The following MOB3B variants were observed in gnomAD, a reference collection of about 807,000 sequenced individuals.
MOB3B encodes the protein MOB kinase activator 3B.
In MOB3B, 7 loss-of-function variants were observed where a neutral mutation model predicts 18.7. The ratio of observed to expected loss-of-function variants is 0.37; its 90% confidence interval spans 0.21 to 0.70. The LOEUF (loss-of-function observed/expected upper bound fraction) is 0.70, where lower values mean the gene tolerates loss of function less well. MOB3B is among the 30% of genes least tolerant of loss of function. The probability of loss-of-function intolerance (pLI) is 0.52; values close to 1 mark genes in which losing one functional copy is unlikely to be tolerated. For synonymous variants in MOB3B, 111 were observed against 99.9 expected, an observed-to-expected ratio of 1.11 and a Z score of -0.66; for missense variants, 253 against 281.3, an observed-to-expected ratio of 0.90 and a Z score of 0.72.
At chr9:27,506,428 T>C (rs1820060152) in intron 1 of MOB3B, among the ~76,000 whole-genome samples, 2 of 152,204 alleles carry the variant, frequency 1.3e-5, no homozygotes, top group African/African-American at 4.8e-5. Context: ...TCTCCTCTCA[T>C]CTACCCCCAT....
At chr9:27,420,801 G>A (rs1822238416) in intron 2 of MOB3B, among the ~76,000 whole-genome samples, 1 of 151,322 alleles carries the variant, frequency 6.6e-6, no homozygotes, top group Admixed American at 6.6e-5. Flanking sequence ...GGGGAAGAGT[G>A]GGAGGGGGAC....
intron 2 of MOB3B, among the ~76,000 whole-genome samples, chr9:27,449,774 G>C (rs1029142548): frequency 6.6e-6 from 1 of 151,986 alleles, no homozygotes; most frequent in African/African-American, 2.4e-5. Context: ...TCAGGAGTTC[G>C]AGACCAGCCT....
At chr9:27,513,657 A>G (rs1171912285) in intron 1 of MOB3B, among the ~76,000 whole-genome samples, 3 of 152,076 alleles carry the variant, frequency 2.0e-5, no homozygotes, top group Non-Finnish European at 4.4e-5. Flanking sequence ...GCTCCCTTCC[A>G]GCTTTGTACA....
In MOB3B at chr9:27,359,126, C is replaced by A; in HGVS notation, c.529G>T (p.Gly177Cys). Residue 177 changes from glycine to cysteine, a missense_variant, in exon 3 of 4, where the codon GGT becomes TGT. By Grantham distance (159) the Gly-to-Cys change is radical. Transcript: ENST00000262244. ...CAGGTGTTGACATGGGCCTCTGCACCCATCACAATGACCCGGTCGAAGTGG... is the reference window on the plus strand; with the variant it reads ...CAGGTGTTGACATGGGCCTCTGCACACATCACAATGACCCGGTCGAAGTGG... ...IHHFDRVIVM[G>C]AEAHVNTCYK... 1 of 1,614,042 alleles carries A rather than the reference C, an allele frequency of 6.2e-7. No individual in the cohort carries two copies. Among genetic ancestry groups the A allele is most frequent in the Non-Finnish European group, 8.5e-7 (1 of 1,180,026 alleles).
chr9:27,516,936 C>G (rs1292329987), intron 1 of MOB3B, among the ~76,000 whole-genome samples: 1 of 152,184 alleles, frequency 6.6e-6, no homozygotes, highest in African/African-American at 2.4e-5. Flanking sequence ...TTGTCTATAA[C>G]AGAACTCACC....
chr9:27,391,123 G>T (rs147634156), intron 2 of MOB3B, among the ~76,000 whole-genome samples: 39 of 152,312 alleles, frequency 2.6e-4, no homozygotes, highest in African/African-American at 8.7e-4. Context: ...AGAAGCAAAG[G>T]CATGAACCCT....
intron 2 of MOB3B, chr9:27,394,135 G>C (rs1821767332): frequency 6.6e-6 from 1 of 152,134 alleles, no homozygotes; most frequent in African/African-American, 2.4e-5. Context: ...TTCATCATAA[G>C]TTGGTCACTG....
chr9:27,426,692 C>A (rs1184968913), intron 2 of MOB3B, among the ~76,000 whole-genome samples: 1 of 152,192 alleles, frequency 6.6e-6, no homozygotes, highest in Non-Finnish European at 1.5e-5. Flanking sequence ...CCCCCCCTGC[C>A]CGACTCAGAA....
intron 2 of MOB3B, among the ~76,000 whole-genome samples, chr9:27,399,006 G>A (rs1021003669): frequency 1.3e-5 from 2 of 151,518 alleles, no homozygotes; most frequent in Non-Finnish European, 2.9e-5. Context: ...GGGCAGGGGG[G>A]TGGGAAACAG....
At chr9:27,499,369 T>C (rs560861759) in intron 1 of MOB3B, among the ~76,000 whole-genome samples, 134 of 152,304 alleles carry the variant, frequency 8.8e-4, no homozygotes, top group African/African-American at 3.2e-3. Flanking sequence ...AGCAAGCTTA[T>C]TAGGTTCATG....
intron 3 of MOB3B, among the ~76,000 whole-genome samples, chr9:27,345,525 C>T (rs1429683937): frequency 6.6e-6 from 1 of 152,212 alleles, no homozygotes; most frequent in Non-Finnish European, 1.5e-5. Context: ...GGCCTCTATG[C>T]CCGCCCTGAA....
chr9:27,352,716 A>C (rs1306207720), intron 3 of MOB3B, among the ~76,000 whole-genome samples: 1 of 152,230 alleles, frequency 6.6e-6, no homozygotes, highest in Middle Eastern at 3.2e-3. Context: ...CTAGAGACAC[A>C]TCACATCACA....
chr9:27,480,307 T>G (rs1819629308), intron 1 of MOB3B, among the ~76,000 whole-genome samples: 1 of 151,102 alleles, frequency 6.6e-6, no homozygotes, highest in Non-Finnish European at 1.5e-5. Context: ...CAGCTATTTT[T>G]TTTTTTTTTT....
intron 2 of MOB3B, among the ~76,000 whole-genome samples, chr9:27,424,652 C>A (rs569354553): frequency 3.3e-5 from 5 of 152,116 alleles, no homozygotes; most frequent in Non-Finnish European, 7.4e-5. Context: ...CCAGTGGGTG[C>A]GCAGACTCTA....
At chr9:27,381,444 A>G (rs1375883314) in intron 2 of MOB3B, among the ~76,000 whole-genome samples, 2 of 152,038 alleles carry the variant, frequency 1.3e-5, no homozygotes, top group Non-Finnish European at 2.9e-5. Flanking sequence ...GAAGCTGCCT[A>G]CATTTTCTGT....
chr9:27,509,899 A>G (rs531194739), intron 1 of MOB3B, among the ~76,000 whole-genome samples: 148 of 152,112 alleles, frequency 9.7e-4, no homozygotes, highest in African/African-American at 3.4e-3. Flanking sequence ...TAATTTTTGT[A>G]TTTTTAGTAG....
intron 3 of MOB3B, among the ~76,000 whole-genome samples, chr9:27,336,407 G>A (rs1820863847): frequency 6.6e-6 from 1 of 152,066 alleles, no homozygotes; most frequent in African/African-American, 2.4e-5. Flanking sequence ...CTAACTCTGA[G>A]ACACCAGGAG....
intron 1 of MOB3B, among the ~76,000 whole-genome samples, chr9:27,470,104 T>C (rs1207745349): frequency 3.4e-5 from 2 of 59,634 alleles, no homozygotes; most frequent in African/African-American, 9.5e-5. Context: ...TGAGACCCTG[T>C]CTCTTAAAAG....
At chr9:27,411,848 A>G (rs1822071911) in intron 2 of MOB3B, among the ~76,000 whole-genome samples, 1 of 152,222 alleles carries the variant, frequency 6.6e-6, no homozygotes, top group South Asian at 2.1e-4. Flanking sequence ...TAATAATAAC[A>G]AATCAATTTT....
Sources: gnomAD v4.1 joint callset for allele counts (sites outside exome capture counted in the v4.1 genomes callset) on GRCh38, gnomAD v4.1.1 for gene constraint, MANE v1.5 for transcripts, NCBI Gene and HGNC (gene_info 2026-07-23, HGNC 2026-07-21) for gene names.